CABIN1: variants seen among roughly 807,000 people sequenced by gnomAD.
CABIN1 encodes calcineurin binding protein 1.
A neutral mutation model predicts 227.7 loss-of-function variants in CABIN1; 133 were observed. The ratio of observed to expected loss-of-function variants is 0.58; its 90% confidence interval spans 0.51 to 0.67. The LOEUF (loss-of-function observed/expected upper bound fraction) is 0.67. CABIN1 is among the 30% of genes least tolerant of loss of function. The probability of loss-of-function intolerance (pLI) is 0.00; values close to 1 mark genes in which losing one functional copy is unlikely to be tolerated. For missense variants in CABIN1, 2,408 were observed against 2,852.5 expected, an observed-to-expected ratio of 0.84 and a Z score of 3.55; for synonymous variants, 1,086 against 1,155.1, an observed-to-expected ratio of 0.94 and a Z score of 1.21.
intron 32 of CABIN1, among the ~76,000 whole-genome samples, chr22:24,167,711 C>T (rs751249361): frequency 6.6e-6 from 1 of 152,100 alleles, no homozygotes; most frequent in Admixed American, 6.5e-5. Context: ...AAGCACTTTC[C>T]TTTTTCTCCA....
chr22:24,053,278 G>A (rs762964096), intron 8 of CABIN1, among the ~76,000 whole-genome samples: 16 of 151,778 alleles, frequency 1.1e-4, no homozygotes, highest in Non-Finnish European at 2.1e-4. Context: ...GGGTTTCACC[G>A]TGTTAGCCAG....
chr22:24,157,509 C>T (rs539340583), intron 29 of CABIN1, among the ~76,000 whole-genome samples: 1 of 152,168 alleles, frequency 6.6e-6, no homozygotes, highest in East Asian at 1.9e-4. Context: ...TCTTGGCTCC[C>T]TGCAGGCTGG....
chr22:24,104,185 C>T (rs1367941336), intron 26 of CABIN1, among the ~76,000 whole-genome samples: 6 of 152,156 alleles, frequency 3.9e-5, no homozygotes, highest in Non-Finnish European at 2.9e-5. Flanking sequence ...CTAAGGAAGG[C>T]ACAATTTTCC....
chr22:24,092,480 G>A (rs1264688030), intron 24 of CABIN1, among the ~76,000 whole-genome samples: 3 of 152,168 alleles, frequency 2.0e-5, no homozygotes, highest in Non-Finnish European at 4.4e-5. Flanking sequence ...GGAAAACCAA[G>A]GACATTGGTA....
chr22:24,142,853 G>A (rs1182534515), intron 29 of CABIN1, among the ~76,000 whole-genome samples: 1 of 152,206 alleles, frequency 6.6e-6, no homozygotes, highest in East Asian at 1.9e-4. Flanking sequence ...GGGATAGGAA[G>A]AGCTGGTTTG....
Position 24,176,256 on chromosome 22 carries a change from T to C in CABIN1, c.6186T>C (p.Ala2062=). Residue 2062 remains alanine, a synonymous_variant, in exon 35 of 37, where the codon GCT becomes GCC. Coordinates refer to ENST00000263119, the MANE Select transcript of CABIN1 (RefSeq NM_012295.4). ...CAGAGGCTGCCCTGGGCACAGGCGCTGAGCCCACCTGCAGCCAGGGTAAGG... is the reference window on the plus strand; with the variant it reads ...CAGAGGCTGCCCTGGGCACAGGCGCCGAGCCCACCTGCAGCCAGGGTAAGG... ...WPAEAALGTG[A]EPTCSQEGKL... 6.2e-7 allele frequency: 1 copy of C among 1,603,888 alleles called. No individual in the cohort carries two copies. Among genetic ancestry groups the C allele is most frequent in the South Asian group, 1.1e-5 (1 of 89,700 alleles).
Position 24,035,531 on chromosome 22 carries a change from ATGCCTGCCTATTT to A in CABIN1, c.3+15_3+27del. ...ATCTCTCTGAATATGGTAAGGACTG[ATGCCTGCCTATTT>A]TGCGGACCTCAGTGTTCTTTTGTTA... On this transcript the variant is annotated intron_variant, in intron 2 of 36. Coordinates refer to ENST00000263119, the MANE Select transcript of CABIN1 (RefSeq NM_012295.4). The A allele has an allele frequency of 6.2e-7, 1 of 1,614,042 alleles. No homozygotes were observed. The highest frequency in any genetic ancestry group is 8.5e-7 in the Non-Finnish European group (1 of 1,179,990).
At chr22:24,161,781 C>T (rs2046168697) in intron 29 of CABIN1, among the ~76,000 whole-genome samples, 1 of 152,216 alleles carries the variant, frequency 6.6e-6, no homozygotes, top group South Asian at 2.1e-4. Flanking sequence ...GGGGCTTCTG[C>T]TGTGGCAGTT....
chr22:24,041,074 A>G (rs2037330778), intron 4 of CABIN1, 65 bp from the exon 5 acceptor site: 10 of 1,608,062 alleles, frequency 6.2e-6, no homozygotes, highest in Non-Finnish European at 8.5e-6. Context: ...GAAGCCAAGT[A>G]TCCTGCTGGC....
At position 24,066,846 on chromosome 22, in the gene CABIN1, G is replaced by A; in HGVS notation, c.2038-141G>A. 5 of 744,136 alleles carry A rather than the reference G, an allele frequency of 6.7e-6. No individual in the cohort carries two copies. The Admixed American group carries it at 1.1e-4, about 16-fold the overall frequency. The allele number at this position is 744,136 out of a possible 1,614,324, so 46.1% of individuals were successfully genotyped here. A position where few individuals can be genotyped will look rare whatever the true frequency, so the allele number is the denominator to read the frequency against. Reference sequence around the variant, plus strand: ...GTGTAAACACTGATGTATGAAGGAGGAATCTAATTTTTTTTGGGCTGGAAC... The same window carrying A: ...GTGTAAACACTGATGTATGAAGGAGAAATCTAATTTTTTTTGGGCTGGAAC... On this transcript the variant is annotated intron_variant, in intron 15 of 36. Coordinates refer to ENST00000263119, the MANE Select transcript of CABIN1 (RefSeq NM_012295.4).
At chr22:24,104,586 C>T (rs886254776) in intron 26 of CABIN1, among the ~76,000 whole-genome samples, 12 of 152,224 alleles carry the variant, frequency 7.9e-5, no homozygotes, top group Admixed American at 7.9e-4. Flanking sequence ...CCGTCATGCC[C>T]ACCTGCTGCC....
intron 23 of CABIN1, among the ~76,000 whole-genome samples, chr22:24,090,292 G>T (rs770055233): frequency 2.0e-5 from 3 of 152,208 alleles, no homozygotes; most frequent in Non-Finnish European, 4.4e-5. Context: ...GCAGAACAGG[G>T]TGGGCAGGGG....
At chr22:24,102,824 C>G (rs541034287) in intron 26 of CABIN1, among the ~76,000 whole-genome samples, 1 of 152,188 alleles carries the variant, frequency 6.6e-6, no homozygotes, top group African/African-American at 2.4e-5. Flanking sequence ...GAGTCTCAGG[C>G]TACCTTGAGC....
intron 23 of CABIN1, among the ~76,000 whole-genome samples, chr22:24,090,169 G>T (rs2041447893): frequency 1.3e-5 from 2 of 152,212 alleles, no homozygotes; most frequent in Admixed American, 1.3e-4. Context: ...ATGGGGAAGG[G>T]GTGGGGGCTT....
At chr22:24,151,315 A>G (rs1180543207) in intron 29 of CABIN1, among the ~76,000 whole-genome samples, 1 of 152,014 alleles carries the variant, frequency 6.6e-6, no homozygotes, top group Non-Finnish European at 1.5e-5. Context: ...GCCTGAAACC[A>G]CAGTTTGGTT....
At position 24,166,909 on chromosome 22, in the gene CABIN1, C is replaced by G; in HGVS notation, c.5278C>G (p.Pro1760Ala). The G allele has an allele frequency of 6.2e-7, 1 of 1,607,682 alleles. No homozygotes were observed. The highest frequency in any genetic ancestry group is 8.5e-7 in the Non-Finnish European group (1 of 1,177,508). The change falls in exon 32 of 37, where the codon CCC becomes GCC. Residue 1760 changes from proline to alanine, a missense_variant. Pro to Ala is a conservative substitution (Grantham distance 27). Around this residue, in one of 3 missense-constraint regions of CABIN1, gnomAD observed 714 missense variants for 773.8 expected, o/e 0.92. Transcript: ENST00000263119. ...KESPRAGPTE[P>A]MDTSEATVCH... ...GAGCCCACGGGCAGGGCCCACTGAG[C>G]CCATGGACACGAGTGAGGCCACTGT...
At chr22:24,172,133 G>A in intron 34 of CABIN1, 138 bp downstream of exon 34, 7 of 1,031,094 alleles carry the variant, frequency 6.8e-6, no homozygotes, top group Non-Finnish European at 9.8e-6. Flanking sequence ...GGCGGGGCAG[G>A]TGACCGCGGG....
intron 29 of CABIN1, among the ~76,000 whole-genome samples, chr22:24,138,159 A>G (rs2044532664): frequency 6.6e-6 from 1 of 152,130 alleles, no homozygotes; most frequent in African/African-American, 2.4e-5. Flanking sequence ...TAATTTTTGA[A>G]AATTGTGAGA....
At chr22:24,086,534 G>A (rs919740775) in intron 22 of CABIN1, among the ~76,000 whole-genome samples, 10 of 152,256 alleles carry the variant, frequency 6.6e-5, no homozygotes, top group Admixed American at 1.3e-4. Flanking sequence ...GGCCACTTTC[G>A]TTCTGGCCTT....
Sources: allele counts gnomAD v4.1 joint callset (sites outside exome capture counted in the v4.1 genomes callset), GRCh38; gene constraint gnomAD v4.1.1; regional missense constraint gnomAD v4.1.1; transcripts MANE v1.5; gene names NCBI Gene and HGNC (gene_info 2026-07-23, HGNC 2026-07-21).